The following TRPM3 variants were observed in gnomAD, a reference collection of about 807,000 sequenced individuals.
TRPM3 encodes the protein long transient receptor potential channel 3.
Under a neutral mutation model 181.2 loss-of-function variants are expected in TRPM3, and 77 were observed. The observed-to-expected ratio is 0.42, with a 90% CI of 0.35 to 0.51. The LOEUF is 0.51. Ranked by LOEUF, TRPM3 falls within the 20% of genes least tolerant of loss-of-function variation. The probability of loss-of-function intolerance (pLI) is 0.01; values close to 1 mark genes in which losing one functional copy is unlikely to be tolerated. For missense variants in TRPM3, 1,759 were observed against 2,196.7 expected (o/e 0.80, Z 3.98); for synonymous variants, 745 against 796.4 (o/e 0.94, Z 1.09).
intron 22 of TRPM3, 157 bp downstream of exon 22, chr9:70,590,874 C>A: frequency 1.1e-6 from 1 of 878,956 alleles, no homozygotes; most frequent in Non-Finnish European, 1.8e-6. Context: ...TGTGTATTCA[C>A]CTTCTGTAAT....
chr9:70,619,354 T>C (rs970971137), intron 16 of TRPM3, among the ~76,000 whole-genome samples: 1 of 150,408 alleles, frequency 6.6e-6, no homozygotes, highest in South Asian at 2.1e-4. Flanking sequence ...GTCATATGAG[T>C]GTAGGAGGTG....
intron 10 of TRPM3, 62 bp downstream of exon 10, chr9:70,640,498 C>A: frequency 7.1e-7 from 1 of 1,404,018 alleles, no homozygotes; most frequent in East Asian, 2.4e-5. Flanking sequence ...TCAGAGGCTC[C>A]TTAAACAAAT....
chr9:70,776,610 A>G (rs1309387887), intron 7 of TRPM3: 6 of 540,608 alleles, frequency 1.1e-5, no homozygotes, highest in Non-Finnish European at 2.0e-5. Context: ...GAGTATTTTT[A>G]TGGCACAGCT....
At chr9:71,008,507 C>T (rs2097702868) in intron 1 of TRPM3, among the ~76,000 whole-genome samples, 1 of 152,102 alleles carries the variant, frequency 6.6e-6, no homozygotes, top group African/African-American at 2.4e-5. Flanking sequence ...ATGCAAAAAT[C>T]TTCAACAAAA....
At chr9:70,988,218 C>A (rs1011084381) in intron 1 of TRPM3, among the ~76,000 whole-genome samples, 5 of 152,098 alleles carry the variant, frequency 3.3e-5, no homozygotes, top group African/African-American at 1.2e-4. Context: ...TAGAAATGAA[C>A]GCAAAGCTTG....
intron 6 of TRPM3, chr9:70,793,765 A>G (rs2086266483): frequency 2.4e-6 from 1 of 420,666 alleles, no homozygotes; most frequent in African/African-American, 2.0e-5. Context: ...TCAACTTTGC[A>G]GTGATGCAAA....
chr9:71,034,320 A>G (rs2057913271), intron 1 of TRPM3, among the ~76,000 whole-genome samples: 1 of 152,142 alleles, frequency 6.6e-6, no homozygotes. Flanking sequence ...GATAATATTT[A>G]TTAACTGAAT....
chr9:70,844,492 C>T (rs973197422), intron 4 of TRPM3, among the ~76,000 whole-genome samples: 8 of 152,074 alleles, frequency 5.3e-5, no homozygotes, highest in Admixed American at 5.2e-4. Context: ...AAACAAAACT[C>T]CCCCAAAAAA....
At position 71,077,904 on chromosome 9, in the gene TRPM3, G is replaced by A. The variant is rs1266445999; in HGVS notation, c.177+43274C>T. Among the ~76,000 whole-genome samples the A allele has an allele frequency of 5.1e-5, 7 of 137,518 alleles. No individual in the cohort carries two copies. The East Asian group carries it at 6.3e-4, about 12-fold the overall frequency. 90.2% of individuals were successfully genotyped at this position (137,518 alleles called of 152,430 possible). ...ATTCAACTCATAATCATTTGTTTTTGTCTTTTTTTTTTTTTTTTTCCTATC... is the reference window on the plus strand; with the variant it reads ...ATTCAACTCATAATCATTTGTTTTTATCTTTTTTTTTTTTTTTTTCCTATC... On this transcript the variant is annotated intron_variant, in intron 1 of 25. Coordinates refer to ENST00000677713, the MANE Select transcript of TRPM3 (RefSeq NM_001366145.2).
intron 1 of TRPM3, among the ~76,000 whole-genome samples, chr9:70,886,444 T>C (rs1471690002): frequency 6.6e-6 from 1 of 152,168 alleles, no homozygotes; most frequent in East Asian, 1.9e-4. Flanking sequence ...GCCTTGTGCC[T>C]TTACTTTATA....
At chr9:71,027,270 T>G (rs2056683197) in intron 1 of TRPM3, among the ~76,000 whole-genome samples, 1 of 152,068 alleles carries the variant, frequency 6.6e-6, no homozygotes, top group Non-Finnish European at 1.5e-5. Flanking sequence ...TATACCATCA[T>G]CAAACCCCCA....
chr9:70,631,203 G>C (rs1284162458), intron 12 of TRPM3, among the ~76,000 whole-genome samples: 1 of 152,134 alleles, frequency 6.6e-6, no homozygotes, highest in Non-Finnish European at 1.5e-5. Context: ...AGAGCTCAGG[G>C]GAAAAGAGGA....
chr9:70,695,448 T>A (rs1381707581), intron 8 of TRPM3, among the ~76,000 whole-genome samples: 1 of 152,212 alleles, frequency 6.6e-6, no homozygotes, highest in East Asian at 1.9e-4. Context: ...GGTCATGCTC[T>A]CTCTCCCTTT....
chr9:70,606,208 G>A (rs116538497), intron 19 of TRPM3, among the ~76,000 whole-genome samples: 87 of 151,954 alleles, frequency 5.7e-4, no homozygotes, highest in Non-Finnish European at 1.0e-3. Context: ...CTATCTATCT[G>A]TCTGTCTGTA....
chr9:71,167,989 G>A (rs2076619541), intron 1 of TRPM3, among the ~76,000 whole-genome samples: 1 of 152,100 alleles, frequency 6.6e-6, no homozygotes, highest in Non-Finnish European at 1.5e-5. Flanking sequence ...AAAAATAAGT[G>A]CACTATGACA....
chr9:70,740,796 C>T (rs916762454), intron 8 of TRPM3, among the ~76,000 whole-genome samples: 8 of 152,168 alleles, frequency 5.3e-5, no homozygotes, highest in South Asian at 2.1e-4. Flanking sequence ...CATCTCTTAC[C>T]TTATACAAAA....
chr9:71,197,129 TTTGTCCTTG>T lies in TRPM3; in HGVS notation c.183+249515_183+249523del, dbSNP rs773425750. ...AGTGAGAACATGCGATGTTTGGTTTTTTGTCCTTGCGATAGTTTACGGAGAAGGATGATT... is the reference window on the plus strand; with the variant it reads ...AGTGAGAACATGCGATGTTTGGTTTTCGATAGTTTACGGAGAAGGATGATT... On this transcript the variant is annotated intron_variant, in intron 1 of 24. Transcript: ENST00000357533. Among the ~76,000 whole-genome samples the T allele has an allele frequency of 2.8e-3, 423 of 152,296 alleles. 7 individuals are homozygous for T. The East Asian group carries it at 0.054, about 19-fold the overall frequency.
chr9:70,772,057 T>C (rs1387541695), intron 7 of TRPM3, among the ~76,000 whole-genome samples: 2 of 152,128 alleles, frequency 1.3e-5, no homozygotes, highest in Non-Finnish European at 2.9e-5. Context: ...GGAAAGAATA[T>C]AATTAAAAAC....
At chr9:70,567,694 A>C (rs545792335) in intron 22 of TRPM3, among the ~76,000 whole-genome samples, 2 of 148,286 alleles carry the variant, frequency 1.3e-5, no homozygotes, top group East Asian at 3.9e-4. Context: ...TGGATCCTAC[A>C]TAGAAAGAAA....
Sources: allele counts gnomAD v4.1 joint callset (sites outside exome capture counted in the v4.1 genomes callset), GRCh38; gene constraint gnomAD v4.1.1; transcripts MANE v1.5; gene names NCBI Gene and HGNC (gene_info 2026-07-23, HGNC 2026-07-21).